SRSF11: variants seen among roughly 807,000 people sequenced by gnomAD.
SRSF11 encodes the protein serine/arginine-rich splicing factor 11.
A neutral mutation model predicts 56.0 loss-of-function variants in SRSF11; 9 were observed. The observed-to-expected ratio is 0.16, with a 90% CI of 0.10 to 0.28. The LOEUF (loss-of-function observed/expected upper bound fraction) is 0.28, where lower values mean the gene tolerates loss of function less well. Among genes scored for constraint, SRSF11 ranks in the 10% least tolerant of loss-of-function variants. SRSF11 has a pLI of 1.00. For synonymous variants in SRSF11, 222 were observed against 215.3 expected, an observed-to-expected ratio of 1.03 and a Z score of -0.27; for missense variants, 421 against 600.7, an observed-to-expected ratio of 0.70 and a Z score of 3.13.
At chr1:70,231,499 T>G (rs1285780299) in intron 2 of SRSF11, 31 of 1,064,048 alleles carry the variant, frequency 2.9e-5, no homozygotes, top group Non-Finnish European at 3.4e-5. Context: ...CAACTGGCAC[T>G]GTATGGCAGC....
At chr1:70,236,330 T>C (rs1054814944) in intron 5 of SRSF11, among the ~76,000 whole-genome samples, 1 of 150,134 alleles carries the variant, frequency 6.7e-6, no homozygotes, top group African/African-American at 2.5e-5. Context: ...TTCTTTCTTT[T>C]TCTTTTTTTT....
intron 1 of SRSF11, among the ~76,000 whole-genome samples, chr1:70,207,398 C>CT (rs1469090505): frequency 6.6e-6 from 1 of 152,134 alleles, no homozygotes; most frequent in Admixed American, 6.5e-5. Context: ...GGTGAAGAAA[C>CT]TTACCCAACC....
intron 7 of SRSF11, among the ~76,000 whole-genome samples, chr1:70,242,829 A>G (rs1198538467): frequency 6.6e-6 from 1 of 152,108 alleles, no homozygotes; most frequent in Non-Finnish European, 1.5e-5. Flanking sequence ...CATTCAAAGT[A>G]TATTATTGGT....
chr1:70,236,353 A>G (rs1674031758), intron 5 of SRSF11, among the ~76,000 whole-genome samples: 1 of 124,906 alleles, frequency 8.0e-6, no homozygotes, highest in Non-Finnish European at 1.6e-5. Context: ...TTTTTTTGAG[A>G]CGAGTCTCAC....
chr1:70,223,792 G>T (rs1271069160), intron 1 of SRSF11, among the ~76,000 whole-genome samples: 1 of 152,112 alleles, frequency 6.6e-6, no homozygotes, highest in African/African-American at 2.4e-5. Flanking sequence ...GGCACAAGTT[G>T]CATATAGTTC....
intron 7 of SRSF11, among the ~76,000 whole-genome samples, chr1:70,240,770 C>CTTTT (rs72113966): frequency 5.4e-4 from 59 of 109,882 alleles, no homozygotes; most frequent in East Asian, 3.3e-3. Flanking sequence ...CATCACTGGA[C>CTTTT]TTTTTTTTTT....
At chr1:70,238,113 TG>T (rs1462820282) in intron 6 of SRSF11, among the ~76,000 whole-genome samples, 1 of 152,234 alleles carries the variant, frequency 6.6e-6, no homozygotes, top group Admixed American at 6.5e-5. Context: ...TAAATGGGAA[TG>T]TTTTTTAATG....
intron 2 of SRSF11, chr1:70,231,000 A>G (rs1672758640): frequency 7.8e-7 from 1 of 1,280,230 alleles, no homozygotes; most frequent in Non-Finnish European, 1.0e-6. Flanking sequence ...TGTAGTATAC[A>G]TTTGTTTATA....
intron 7 of SRSF11, among the ~76,000 whole-genome samples, chr1:70,241,718 C>T (rs769495344): frequency 1.3e-5 from 2 of 152,326 alleles, no homozygotes; most frequent in Admixed American, 6.5e-5. Context: ...CTTCCATTTC[C>T]GCTTTGAGGA....
intron 1 of SRSF11, among the ~76,000 whole-genome samples, chr1:70,214,940 C>A (rs933914455): frequency 4.1e-5 from 6 of 145,670 alleles, no homozygotes; most frequent in African/African-American, 1.5e-4. Flanking sequence ...GCCCTGTCGC[C>A]TAGGCTGGAA....
At position 70,252,305 on chromosome 1, in the gene SRSF11, A is replaced by G. The variant is rs1189154305; in HGVS notation, c.*1500A>G. The G allele has an allele frequency of 6.6e-6, 1 of 152,066 alleles. No individual in the cohort carries two copies. The highest frequency in any genetic ancestry group is 2.4e-5 in the African/African-American group (1 of 41,420). 9.4% of individuals were successfully genotyped at this position (152,066 alleles called of 1,614,324 possible). ...TCCCACCTATATCTAGCAAATTTATATTTTCGGTGAAATACAGATATTTGC... is the reference window on the plus strand; with the variant it reads ...TCCCACCTATATCTAGCAAATTTATGTTTTCGGTGAAATACAGATATTTGC... On this transcript the variant is annotated 3_prime_UTR_variant, in exon 12 of 12. Coordinates refer to ENST00000370949, the MANE Select transcript of SRSF11 (RefSeq NM_001350605.2).
In SRSF11 at chr1:70,239,414, C is replaced by T. The variant is rs369299492; in HGVS notation, c.719-25C>T. ...GCCCCTATTTAATAACTTCTAAATG[C>T]AGGTTCCTTTTCTTTTAAATATAGA... On this transcript the variant is annotated intron_variant, in intron 6 of 11. Coordinates refer to ENST00000370949, the MANE Select transcript of SRSF11 (RefSeq NM_001350605.2). 10 of 1,536,124 alleles carry T rather than the reference C, an allele frequency of 6.5e-6. No individual in the cohort carries two copies. In the African/African-American group the frequency reaches 7.0e-5, roughly 11 times the overall value.
At chr1:70,231,469 G>A in intron 2 of SRSF11, 1 of 1,051,700 alleles carries the variant, frequency 9.5e-7, no homozygotes, top group Non-Finnish European at 1.2e-6. Flanking sequence ...GGCTTAAGGA[G>A]TTTGGCTAAG....
Position 70,239,483 on chromosome 1 carries a change from T to C in SRSF11, c.763T>C (p.Ser255Pro). The change falls in exon 7 of 12, where the codon TCT becomes CCT. Residue 255 changes from serine to proline, a missense_variant. By Grantham distance (74) the Ser-to-Pro change is moderately conservative. Transcript: ENST00000370949. ...KRRHSRSRSR[S>P]RRRRTPSSSR... Reference sequence around the variant, plus strand: ...AAGGCATTCAAGATCAAGATCACGTTCTAGGAGGAGGAGGACTCCCTCATC... The same window carrying C: ...AAGGCATTCAAGATCAAGATCACGTCCTAGGAGGAGGAGGACTCCCTCATC... The C allele has an allele frequency of 1.2e-6, 2 of 1,610,012 alleles. No individual in the cohort carries two copies. The highest frequency in any genetic ancestry group is 1.7e-6 in the Non-Finnish European group (2 of 1,178,658).
chr1:70,246,183 A>ACT (rs1676708173), intron 8 of SRSF11, among the ~76,000 whole-genome samples: 1 of 151,790 alleles, frequency 6.6e-6, no homozygotes, highest in Non-Finnish European at 1.5e-5. Context: ...TCGTTTATCT[A>ACT]CTCTTTGCTT....
chr1:70,250,631 A>T lies in SRSF11; in HGVS notation c.1281A>T (p.Glu427Asp). The change falls in exon 12 of 12, where the codon GAA becomes GAT. Residue 427 changes from glutamate to aspartate, a missense_variant. Physicochemically the swap from Glu to Asp is conservative, Grantham distance 45. Around this residue, in one of 2 missense-constraint regions of SRSF11, gnomAD observed 253 missense variants for 305.8 expected, o/e 0.83. Transcript: ENST00000370949. ...AGCAGGTTACACGGGATTATGATGA[A>T]GAGGAACAGGGGTATGACAGTGAGA... ...DVKQVTRDYD[E>D]EEQGYDSEKE... 6.2e-7 allele frequency: 1 copy of T among 1,613,936 alleles called. No homozygotes were observed. The highest frequency in any genetic ancestry group is 8.5e-7 in the Non-Finnish European group (1 of 1,179,938).
chr1:70,232,195 A>AT (rs1672968821), intron 2 of SRSF11, 73 bp from the exon 3 acceptor site: 26 of 1,610,560 alleles, frequency 1.6e-5, no homozygotes, highest in Non-Finnish European at 2.1e-5. Flanking sequence ...TCAGGGAGAC[A>AT]TTTTCTGGGT....
At chr1:70,244,656 A>T (rs763631558) in intron 7 of SRSF11, 28 bp from the exon 8 acceptor site, 1 of 1,605,898 alleles carries the variant, frequency 6.2e-7, no homozygotes, top group African/African-American at 1.3e-5. Flanking sequence ...ATTTATACAC[A>T]TGTATTGGCT....
At chr1:70,217,903 C>A (rs1305830343), upstream of SRSF11, among the ~76,000 whole-genome samples, 7 of 152,200 alleles carry the variant, frequency 4.6e-5, no homozygotes, top group East Asian at 1.3e-3. Context: ...AAAACTGACA[C>A]AGGTTCTTAG....
Sources: allele counts gnomAD v4.1 joint callset (sites outside exome capture counted in the v4.1 genomes callset), GRCh38; gene constraint gnomAD v4.1.1; regional missense constraint gnomAD v4.1.1; transcripts MANE v1.5; gene names NCBI Gene and HGNC (gene_info 2026-07-23, HGNC 2026-07-21).